The following LUC7L2 variants were observed in gnomAD, a reference collection of about 807,000 sequenced individuals.
LUC7L2 encodes the protein putative RNA-binding protein Luc7-like 2.
A neutral mutation model predicts 52.8 loss-of-function variants in LUC7L2; 25 were observed. The observed-to-expected ratio is 0.47, with a 90% CI of 0.34 to 0.66. The LOEUF (loss-of-function observed/expected upper bound fraction) is 0.66, where lower values mean the gene tolerates loss of function less well. LUC7L2 is among the 30% of genes least tolerant of loss of function. LUC7L2 has a pLI of 0.01. For synonymous variants in LUC7L2, 144 were observed against 160.9 expected (o/e 0.89, Z 0.80); for missense variants, 328 against 497.8 (o/e 0.66, Z 3.25).
At chr7:139,399,339 T>C (rs2131276102) in intron 3 of LUC7L2, among the ~76,000 whole-genome samples, 1 of 152,010 alleles carries the variant, frequency 6.6e-6, no homozygotes, top group Non-Finnish European at 1.5e-5. Flanking sequence ...TATATGCAAG[T>C]ATTACACCAT....
chr7:139,342,692 C>G (rs1371999289), intron 1 of LUC7L2, among the ~76,000 whole-genome samples: 2 of 152,160 alleles, frequency 1.3e-5, no homozygotes, highest in Non-Finnish European at 2.9e-5. Flanking sequence ...GAACTCCTGA[C>G]CTCAGGTGAT....
Position 139,402,253 on chromosome 7 carries a change from A to G in LUC7L2, c.366+6A>G. The G allele has an allele frequency of 6.3e-7, 1 of 1,585,020 alleles. No individual in the cohort carries two copies. Among genetic ancestry groups the G allele is most frequent in the South Asian group, 1.2e-5 (1 of 85,138 alleles). ...GTGCTGAAGTAGCAGCAAAGGTAAGAATTTTAATCATTTCATTAGTACAAA... is the reference window on the plus strand; with the variant it reads ...GTGCTGAAGTAGCAGCAAAGGTAAGGATTTTAATCATTTCATTAGTACAAA... On this transcript the variant is annotated splice_donor_region_variant and intron_variant, in intron 4 of 9. Transcript: ENST00000354926.
At chr7:139,361,635 A>G (rs1442210027) in intron 1 of LUC7L2, among the ~76,000 whole-genome samples, 2 of 152,180 alleles carry the variant, frequency 1.3e-5, no homozygotes, top group Non-Finnish European at 2.9e-5. Context: ...TGGGAAGGAA[A>G]TGAGTTTTGT....
intron 3 of LUC7L2, among the ~76,000 whole-genome samples, chr7:139,399,836 C>T (rs115199390): frequency 1.3e-5 from 2 of 151,972 alleles, no homozygotes; most frequent in African/African-American, 2.4e-5. Flanking sequence ...ATTTAGATAC[C>T]TAAAAAAGCC....
At chr7:139,386,331 C>T (rs1284733434) in intron 2 of LUC7L2, among the ~76,000 whole-genome samples, 1 of 151,544 alleles carries the variant, frequency 6.6e-6, no homozygotes, top group African/African-American at 2.4e-5. Flanking sequence ...GGCGATTAAC[C>T]ACAAACATCA....
intron 3 of LUC7L2, among the ~76,000 whole-genome samples, chr7:139,399,533 A>C (rs1382273625): frequency 2.3e-5 from 3 of 127,854 alleles, no homozygotes; most frequent in Non-Finnish European, 4.7e-5. Context: ...GCAGTGGCCC[A>C]ATCTCGGCTC....
In LUC7L2 at chr7:139,423,102, T is replaced by TAC; in HGVS notation, c.*765_*766dup. On this transcript the variant is annotated 3_prime_UTR_variant, in exon 10 of 10. Coordinates refer to ENST00000354926, the MANE Select transcript of LUC7L2 (RefSeq NM_016019.5). ...TTTTGTGTGTGTGGAGTATAAAGGC[T>TAC]ACACCCTTATTGTAAAAAAATAATA... 2.5e-6 allele frequency: 1 copy of TAC among 398,998 alleles called. No homozygotes were observed. The highest frequency in any genetic ancestry group is 4.4e-6 in the Non-Finnish European group (1 of 226,050). 24.7% of individuals were successfully genotyped at this position (398,998 alleles called of 1,614,324 possible). A position where few individuals can be genotyped will look rare whatever the true frequency, so the allele number is the denominator to read the frequency against.
intron 8 of LUC7L2, chr7:139,416,307 C>T (rs1795613704): frequency 6.6e-6 from 1 of 151,738 alleles, no homozygotes; most frequent in African/African-American, 2.4e-5. Context: ...AGTTTGTGAC[C>T]TGGTGGAGGC....
At chr7:139,402,926 A>G (rs899698492) in intron 4 of LUC7L2, among the ~76,000 whole-genome samples, 1 of 152,134 alleles carries the variant, frequency 6.6e-6, no homozygotes, top group Non-Finnish European at 1.5e-5. Context: ...TTATAGCTAC[A>G]TCCATCTTTA....
intron 1 of LUC7L2, among the ~76,000 whole-genome samples, chr7:139,348,547 C>T (rs1445150499): frequency 4.6e-5 from 7 of 151,560 alleles, no homozygotes; most frequent in Admixed American, 2.0e-4. Context: ...GGTGAAACCC[C>T]GTCTCTACTA....
chr7:139,383,797 GA>G (rs1794069468), intron 2 of LUC7L2, among the ~76,000 whole-genome samples: 1 of 135,182 alleles, frequency 7.4e-6, no homozygotes. Context: ...GCAGTGGTGT[GA>G]TCTCGGCTCA....
At chr7:139,340,914 G>A (rs138401272) in intron 1 of LUC7L2, among the ~76,000 whole-genome samples, 1 of 151,764 alleles carries the variant, frequency 6.6e-6, no homozygotes, top group African/African-American at 2.4e-5. Flanking sequence ...ACACACCCAT[G>A]TCCTTTGTCT....
intron 8 of LUC7L2, 110 bp from the exon 9 acceptor site, chr7:139,417,428 A>G: frequency 7.4e-7 from 1 of 1,348,064 alleles, no homozygotes; most frequent in Non-Finnish European, 1.0e-6. Context: ...CTTGGAATAT[A>G]ATTGACATTA....
chr7:139,420,696 G>C (rs1194375704), intron 9 of LUC7L2, among the ~76,000 whole-genome samples: 1 of 152,174 alleles, frequency 6.6e-6, no homozygotes, highest in Non-Finnish European at 1.5e-5. Flanking sequence ...TTGGCATCTA[G>C]TGTCTTTTTA....
At chr7:139,392,571 T>A (rs4732371) in intron 2 of LUC7L2, 49,678 of 209,364 alleles carry the variant, frequency 0.24, 6,741 homozygotes, top group African/African-American at 0.37. Context: ...AAGCATTTTT[T>A]AAAAAATCTA....
At chr7:139,376,578 T>C (rs1268827314) in intron 2 of LUC7L2, among the ~76,000 whole-genome samples, 5 of 152,246 alleles carry the variant, frequency 3.3e-5, no homozygotes, top group African/African-American at 4.8e-5. Context: ...TAAATACTTA[T>C]ATCCACACAG....
At chr7:139,407,131 T>C (rs753998030) in intron 5 of LUC7L2, 43 bp from the exon 6 acceptor site, 4 of 1,558,134 alleles carry the variant, frequency 2.6e-6, no homozygotes, top group African/African-American at 1.4e-5. Context: ...GTATGACTTT[T>C]AGTGAGATTT....
At chr7:139,359,608 G>C (rs1176286577), upstream of LUC7L2, 2 of 394,416 alleles carry the variant, frequency 5.1e-6, no homozygotes, top group East Asian at 3.6e-5. Flanking sequence ...TGCTAATTTG[G>C]GTCTGAATCG....
intron 1 of LUC7L2, among the ~76,000 whole-genome samples, chr7:139,342,218 A>G (rs1799017569): frequency 6.6e-6 from 1 of 152,176 alleles, no homozygotes; most frequent in Admixed American, 6.5e-5. Flanking sequence ...CTGCCCACCT[A>G]AGGAGCCATA....
Sources: gnomAD v4.1 joint callset for allele counts (sites outside exome capture counted in the v4.1 genomes callset) on GRCh38, gnomAD v4.1.1 for gene constraint, MANE v1.5 for transcripts, NCBI Gene and HGNC (gene_info 2026-07-23, HGNC 2026-07-21) for gene names.